Variants in AFG2A observed in about 807,000 individuals in gnomAD.
The protein encoded by AFG2A is ATPase family gene 2 protein homolog A.
chr4:122,983,249 T>A, the AFG2A span, among the ~76,000 whole-genome samples: 1 of 152,190 alleles, frequency 6.6e-6, no homozygotes, highest in Non-Finnish European at 1.5e-5. Context: ...CAACTAATGT[T>A]GATCTTTTTA....
chr4:122,992,619 G>T, the AFG2A span, among the ~76,000 whole-genome samples: 6 of 152,272 alleles, frequency 3.9e-5, no homozygotes, highest in African/African-American at 1.2e-4. Flanking sequence ...TTTCAGAAAA[G>T]ATTTTAGTGC....
chr4:123,161,934 C>G, the AFG2A span, among the ~76,000 whole-genome samples: 2 of 152,006 alleles, frequency 1.3e-5, no homozygotes, highest in Non-Finnish European at 2.9e-5. Context: ...CATGAACAAG[C>G]CAAGGCAAGT....
At chr4:123,300,908 C>T in the AFG2A span, among the ~76,000 whole-genome samples, 1 of 152,090 alleles carries the variant, frequency 6.6e-6, no homozygotes, top group Non-Finnish European at 1.5e-5. Flanking sequence ...AACCCACTCA[C>T]CTCTAGCATG....
At chr4:122,994,417 A>G in the AFG2A span, among the ~76,000 whole-genome samples, 1 of 152,158 alleles carries the variant, frequency 6.6e-6, no homozygotes, top group South Asian at 2.1e-4. Flanking sequence ...TTCTCTATGT[A>G]CACCATAACA....
At chr4:123,185,382 G>A in the AFG2A span, among the ~76,000 whole-genome samples, 1 of 151,900 alleles carries the variant, frequency 6.6e-6, no homozygotes, top group South Asian at 2.1e-4. Flanking sequence ...CCTTATTTTT[G>A]ACACTACCCT....
chr4:122,993,724 A>T, the AFG2A span, among the ~76,000 whole-genome samples: 2 of 151,994 alleles, frequency 1.3e-5, no homozygotes, highest in African/African-American at 4.8e-5. Context: ...TTTACTTTTC[A>T]CTAGAGTTTA....
At chr4:122,941,291 T>G in the AFG2A span, among the ~76,000 whole-genome samples, 1 of 151,256 alleles carries the variant, frequency 6.6e-6, no homozygotes, top group Non-Finnish European at 1.5e-5. Flanking sequence ...CATTTCTTTG[T>G]ATCCTCTTTT....
At chr4:123,004,752 G>C in the AFG2A span, among the ~76,000 whole-genome samples, 1 of 152,142 alleles carries the variant, frequency 6.6e-6, no homozygotes, top group Non-Finnish European at 1.5e-5. Context: ...GAGTTGGGAA[G>C]TATTCTCTTT....
the AFG2A span, chr4:123,314,347 A>G: frequency 5.0e-6 from 1 of 200,530 alleles, no homozygotes; most frequent in East Asian, 1.1e-4. Flanking sequence ...CATCCCATGA[A>G]GCGATTTCTT....
At chr4:122,943,500 C>G in the AFG2A span, among the ~76,000 whole-genome samples, 2 of 152,146 alleles carry the variant, frequency 1.3e-5, no homozygotes, top group African/African-American at 2.4e-5. Context: ...AGATCTCCCT[C>G]CATCCTTTTA....
the AFG2A span, among the ~76,000 whole-genome samples, chr4:122,954,700 C>A: frequency 6.6e-6 from 1 of 152,228 alleles, no homozygotes; most frequent in African/African-American, 2.4e-5. Context: ...ACTCATAGTT[C>A]TTCCTATAAC....
the AFG2A span, among the ~76,000 whole-genome samples, chr4:123,194,802 A>G: frequency 6.6e-6 from 1 of 152,232 alleles, no homozygotes; most frequent in Admixed American, 6.5e-5. Context: ...GTTTCTAGGT[A>G]CTTGGGTGAG....
the AFG2A span, among the ~76,000 whole-genome samples, chr4:123,211,078 A>T: frequency 1.3e-5 from 2 of 152,164 alleles, no homozygotes; most frequent in African/African-American, 4.8e-5. Context: ...CAATGTCTCC[A>T]AAGAGTTTGA....
At chr4:122,924,837 G>A in the AFG2A span, among the ~76,000 whole-genome samples, 4 of 151,934 alleles carry the variant, frequency 2.6e-5, no homozygotes, top group South Asian at 8.4e-4. Context: ...CTAAAATACA[G>A]TAAAAATGAT....
chr4:123,152,417 T>G, the AFG2A span, among the ~76,000 whole-genome samples: 1 of 152,062 alleles, frequency 6.6e-6, no homozygotes, highest in Non-Finnish European at 1.5e-5. Context: ...AATTCAACAA[T>G]AAGAAATCTA....
At chr4:123,116,110 G>A in the AFG2A span, among the ~76,000 whole-genome samples, 1 of 152,052 alleles carries the variant, frequency 6.6e-6, no homozygotes, top group South Asian at 2.1e-4. Flanking sequence ...TGTTGTGCAA[G>A]CTGGTCTCCA....
the AFG2A span, among the ~76,000 whole-genome samples, chr4:123,201,190 A>G: frequency 2.0e-5 from 3 of 152,268 alleles, no homozygotes; most frequent in African/African-American, 7.2e-5. Context: ...AACATTTGCT[A>G]TATGTAAGTT....
the AFG2A span, among the ~76,000 whole-genome samples, chr4:123,214,636 A>G: frequency 6.6e-6 from 1 of 152,040 alleles, no homozygotes; most frequent in Non-Finnish European, 1.5e-5. Context: ...ATACTAGTCT[A>G]TTTTACCATT....
At chr4:123,223,435 A>G in the AFG2A span, among the ~76,000 whole-genome samples, 3 of 152,160 alleles carry the variant, frequency 2.0e-5, no homozygotes, top group African/African-American at 4.8e-5. Flanking sequence ...AGATGGGGTA[A>G]TTTATAAAGA....
Sources: allele counts gnomAD v4.1 joint callset (sites outside exome capture counted in the v4.1 genomes callset), GRCh38; gene constraint gnomAD v4.1.1; transcripts MANE v1.5; gene names NCBI Gene and HGNC (gene_info 2026-07-23, HGNC 2026-07-21).